The following LRRC4C variants were observed in gnomAD, a reference collection of about 807,000 sequenced individuals.
LRRC4C encodes the protein leucine rich repeat containing 4C.
A neutral mutation model predicts 33.6 loss-of-function variants in LRRC4C; 5 were observed. The ratio of observed to expected loss-of-function variants is 0.15; its 90% confidence interval spans 0.08 to 0.31. LRRC4C has a LOEUF of 0.31. LRRC4C is among the 10% of genes least tolerant of loss of function. LRRC4C has a pLI of 1.00. For missense variants in LRRC4C, 560 were observed against 796.7 expected (o/e 0.70, Z 3.58); for synonymous variants, 329 against 302.0 (o/e 1.09, Z -0.93).
intron 3 of LRRC4C, among the ~76,000 whole-genome samples, chr11:40,478,360 G>T (rs1442786748): frequency 6.6e-6 from 1 of 152,120 alleles, no homozygotes; most frequent in Non-Finnish European, 1.5e-5. Context: ...ATTCTGGCAA[G>T]AACTTATACT....
At chr11:40,280,261 A>G (rs1379268165) in intron 4 of LRRC4C, among the ~76,000 whole-genome samples, 3 of 152,228 alleles carry the variant, frequency 2.0e-5, no homozygotes, top group African/African-American at 7.2e-5. Flanking sequence ...GCTTTAATAC[A>G]GACAGAGTCT....
chr11:40,801,907 G>A (rs186414542), intron 2 of LRRC4C, among the ~76,000 whole-genome samples: 1 of 152,236 alleles, frequency 6.6e-6, no homozygotes, highest in East Asian at 1.9e-4. Context: ...GTCAAGAAGG[G>A]AGAATCTAAA....
chr11:40,408,416 T>C (rs553048571), intron 3 of LRRC4C, among the ~76,000 whole-genome samples: 11 of 152,080 alleles, frequency 7.2e-5, no homozygotes, highest in East Asian at 5.8e-4. Flanking sequence ...ATTTTTATCC[T>C]CGACCAACTT....
chr11:40,692,670 C>CA (rs1292169520), intron 2 of LRRC4C, among the ~76,000 whole-genome samples: 2 of 151,920 alleles, frequency 1.3e-5, no homozygotes, highest in African/African-American at 4.8e-5. Context: ...GAAGTTAGGC[C>CA]AATTTTTTGC....
intron 5 of LRRC4C, among the ~76,000 whole-genome samples, chr11:40,232,003 T>G (rs907927915): frequency 6.6e-6 from 1 of 152,156 alleles, no homozygotes; most frequent in Non-Finnish European, 1.5e-5. Flanking sequence ...CTTTGTCTTT[T>G]AGCTAGGTAG....
At chr11:40,158,245 G>T (rs1858866494) in intron 5 of LRRC4C, among the ~76,000 whole-genome samples, 1 of 152,078 alleles carries the variant, frequency 6.6e-6, no homozygotes, top group Non-Finnish European at 1.5e-5. Flanking sequence ...TGATACAGTG[G>T]ACTTTGGGGA....
intron 4 of LRRC4C, among the ~76,000 whole-genome samples, chr11:40,250,707 C>A (rs970235420): frequency 1.3e-5 from 2 of 151,924 alleles, no homozygotes; most frequent in African/African-American, 4.8e-5. Flanking sequence ...CCACTGTACT[C>A]CAGCCTGGGT....
chr11:41,357,877 G>C (rs1952218301), intron 1 of LRRC4C, among the ~76,000 whole-genome samples: 1 of 152,066 alleles, frequency 6.6e-6, no homozygotes, highest in Admixed American at 6.6e-5. Context: ...AAGCACTAGA[G>C]AGTTATTTTG....
At chr11:40,530,572 C>T (rs1565478459) in intron 3 of LRRC4C, among the ~76,000 whole-genome samples, 1 of 152,102 alleles carries the variant, frequency 6.6e-6, no homozygotes, top group Admixed American at 6.6e-5. Context: ...TAACTATAGA[C>T]ATTATTATTG....
chr11:41,070,554 C>T (rs1938602664), intron 1 of LRRC4C, among the ~76,000 whole-genome samples: 1 of 151,998 alleles, frequency 6.6e-6, no homozygotes, highest in African/African-American at 2.4e-5. Context: ...CCACAAGGAA[C>T]TTAAACAAAT....
At chr11:40,464,158 C>T (rs1049981380) in intron 3 of LRRC4C, among the ~76,000 whole-genome samples, 2 of 151,956 alleles carry the variant, frequency 1.3e-5, no homozygotes, top group Non-Finnish European at 2.9e-5. Context: ...GGTTTTATTG[C>T]ACGGATGCAA....
At chr11:40,827,738 G>A (rs1565107225) in intron 2 of LRRC4C, among the ~76,000 whole-genome samples, 1 of 151,686 alleles carries the variant, frequency 6.6e-6, no homozygotes, top group Non-Finnish European at 1.5e-5. Context: ...GCATGTATGG[G>A]TGCATGTGTG....
Position 40,937,221 on chromosome 11 carries a change from A to T in LRRC4C, c.-495-3498T>A, listed in dbSNP as rs1957942491. ...AAGTGAATTAACACAGGAACAGAAA[A>T]CCAAATACAGAATGTTCTCACTTAC... On this transcript the variant is annotated intron_variant, in intron 1 of 6. Coordinates refer to ENST00000528697, the MANE Select transcript of LRRC4C (RefSeq NM_001258419.2). Among the ~76,000 whole-genome samples the T allele has an allele frequency of 2.0e-5, 3 of 151,266 alleles. No individual in the cohort carries two copies. In the South Asian group the frequency reaches 6.3e-4, roughly 32 times the overall value.
chr11:41,109,079 A>G (rs1274570146), intron 1 of LRRC4C, among the ~76,000 whole-genome samples: 1 of 152,068 alleles, frequency 6.6e-6, no homozygotes, highest in Non-Finnish European at 1.5e-5. Flanking sequence ...TAAATTACTT[A>G]ATGTTTTTAA....
chr11:40,890,745 A>G, intron 2 of LRRC4C, among the ~76,000 whole-genome samples: 1 of 152,088 alleles, frequency 6.6e-6, no homozygotes, highest in East Asian at 1.9e-4. Flanking sequence ...TATGCCCATA[A>G]TGTATGTTAT....
chr11:41,183,397 C>A (rs748574928), intron 1 of LRRC4C, among the ~76,000 whole-genome samples: 1 of 152,132 alleles, frequency 6.6e-6, no homozygotes, highest in Non-Finnish European at 1.5e-5. Flanking sequence ...TGGGTAAATA[C>A]AGCCACTCCA....
intron 4 of LRRC4C, among the ~76,000 whole-genome samples, chr11:40,306,151 A>C (rs2136704169): frequency 6.6e-6 from 1 of 152,354 alleles, no homozygotes; most frequent in South Asian, 2.1e-4. Context: ...AGCAACATTA[A>C]TGTTAAAACT....
intron 4 of LRRC4C, among the ~76,000 whole-genome samples, chr11:40,270,359 T>G (rs1424000625): frequency 1.3e-5 from 2 of 152,076 alleles, no homozygotes. Flanking sequence ...ACATTCTCAC[T>G]GTATTCTCAG....
intron 1 of LRRC4C, among the ~76,000 whole-genome samples, chr11:41,165,369 T>C (rs1349075430): frequency 6.6e-6 from 1 of 152,176 alleles, no homozygotes; most frequent in Non-Finnish European, 1.5e-5. Flanking sequence ...GATGTTGCTC[T>C]GTGAAGAATT....
Sources: allele counts gnomAD v4.1 joint callset (sites outside exome capture counted in the v4.1 genomes callset), GRCh38; gene constraint gnomAD v4.1.1; transcripts MANE v1.5; gene names NCBI Gene and HGNC (gene_info 2026-07-23, HGNC 2026-07-21).